ZNF623: variants seen among roughly 807,000 people sequenced by gnomAD.
ZNF623 encodes the protein zinc finger protein 623.
In ZNF623, 16 loss-of-function variants were observed where a neutral mutation model predicts 24.0. The observed-to-expected ratio is 0.67, with a 90% CI of 0.45 to 1.01. The LOEUF (loss-of-function observed/expected upper bound fraction) is 1.01, where lower values mean the gene tolerates loss of function less well. Ranked by LOEUF, ZNF623 falls within the 50% of genes least tolerant of loss-of-function variation. The pLI, the probability that ZNF623 is intolerant of heterozygous loss-of-function variation, is 0.00. For missense variants in ZNF623, 566 were observed against 606.5 expected (o/e 0.93, Z 0.70); for synonymous variants, 224 against 219.8 (o/e 1.02, Z -0.17).
At position 143,650,837 on chromosome 8, in the gene ZNF623, A is replaced by T; in HGVS notation, c.845A>T (p.Asn282Ile). Residue 282 changes from asparagine (N) to isoleucine (I), a missense_variant, in exon 2 of 2, where the codon AAT becomes ATT. Coordinates refer to ENST00000526926, the MANE Select transcript of ZNF623 (RefSeq NM_001261843.2). The surrounding 1 kb of genome is among the most constrained non-coding windows in gnomAD (Gnocchi z 5.2). ...ACCGGAGAGAGACCCTTTGAATGCA[A>T]TGAGTGTGGGAAAGCCTTTATTCGG... is the stretch of plus-strand genomic sequence containing the variant. ...IHTGERPFEC[N>I]ECGKAFIRSS... 6.2e-7 allele frequency: 1 copy of T among 1,614,236 alleles called. No homozygotes were observed. The highest frequency in any genetic ancestry group is 2.2e-5 in the East Asian group (1 of 44,890).
chr8:143,645,548 T>C (rs1815158943), intron 1 of ZNF623, among the ~76,000 whole-genome samples: 1 of 152,200 alleles, frequency 6.6e-6, no homozygotes, highest in Non-Finnish European at 1.5e-5. Context: ...AGAGAGTGGA[T>C]TCTGGCTTCC....
At chr8:143,637,951 T>A (rs77602759) in intron 1 of ZNF623, among the ~76,000 whole-genome samples, 1 of 152,236 alleles carries the variant, frequency 6.6e-6, no homozygotes, top group African/African-American at 2.4e-5. Context: ...TCCTTTTTTT[T>A]GCATTTCATG....
chr8:143,636,945 G>A (rs1814938628), intron 1 of ZNF623, among the ~76,000 whole-genome samples: 1 of 152,224 alleles, frequency 6.6e-6, no homozygotes, highest in Non-Finnish European at 1.5e-5. Context: ...CTCATAGGTA[G>A]TTGGTGTGAA....
chr8:143,638,274 G>C (rs1432475732), intron 1 of ZNF623, among the ~76,000 whole-genome samples: 1 of 149,668 alleles, frequency 6.7e-6, no homozygotes, highest in Non-Finnish European at 1.5e-5. Flanking sequence ...CTGGGAGGTG[G>C]AGGTTGCAGT....
At chr8:143,640,250 T>C (rs111960002) in intron 1 of ZNF623, among the ~76,000 whole-genome samples, 4,086 of 152,382 alleles carry the variant, frequency 0.027, 75 homozygotes, top group Admixed American at 0.04. Flanking sequence ...AAAGATACTT[T>C]ATTGCTAAAA....
At chr8:143,644,910 CCT>C (rs1273946609) in intron 1 of ZNF623, among the ~76,000 whole-genome samples, 6 of 151,588 alleles carry the variant, frequency 4.0e-5, no homozygotes, top group East Asian at 1.9e-4. Flanking sequence ...GGGCTGATCA[CCT>C]GAGTTTGGGA....
chr8:143,636,561 T>C (rs1227010346), intron 1 of ZNF623: 1 of 152,312 alleles, frequency 6.6e-6, no homozygotes, highest in African/African-American at 2.4e-5. Context: ...GTGGCAGGAC[T>C]GGGTGTGGGC....
rs1051237513 is a variant in ZNF623 at position 143,651,239 on chromosome 8, A to G, written c.1247A>G (p.Glu416Gly). The G allele has an allele frequency of 3.6e-5, 58 of 1,614,094 alleles. No individual in the cohort carries two copies. The Admixed American group carries it at 9.7e-4, about 27-fold the overall frequency. ...CTGCACCAGATTATTCACACTGGAGAAAAGCCCTATGTGTGCAGTTATTGT... is the reference window on the plus strand; with the variant it reads ...CTGCACCAGATTATTCACACTGGAGGAAAGCCCTATGTGTGCAGTTATTGT... ...LLLHQIIHTG[E>G]KPYVCSYCGK... The change falls in exon 2 of 2, where the codon GAA (glutamate) becomes GGA (glycine). Residue 416 changes from glutamate (E) to glycine (G), a missense_variant. This residue lies in a region of ZNF623 where 136 missense variants were observed against 131.9 expected (regional missense o/e 1.03). Transcript: ENST00000526926.
At position 143,650,044 on chromosome 8, in the gene ZNF623, G is replaced by C; in HGVS notation, c.52G>C (p.Glu18Gln). 1.2e-6 allele frequency: 2 copies of C among 1,614,160 alleles called. No individual in the cohort carries two copies. The highest frequency in any genetic ancestry group is 8.5e-7 in the Non-Finnish European group (1 of 1,180,000). The change falls in exon 2 of 2, where the codon GAG becomes CAG. Residue 18 changes from glutamate (E) to glutamine (Q), a missense_variant. Physicochemically the swap from Glu to Gln is conservative, Grantham distance 29. Around this residue, in one of 3 missense-constraint regions of ZNF623, gnomAD observed 313 missense variants for 300.4 expected, o/e 1.04. Transcript: ENST00000526926. This position sits in a 1 kb window ranked among gnomAD's most constrained non-coding sequence, Gnocchi z 5.2. ...SEEVHEPRLG[E>Q]LLGNPEGQSL... ...GGAAGTCCACGAGCCCAGATTAGGGGAGCTCTTGGGAAATCCAGAAGGTCA... is the reference window on the plus strand; with the variant it reads ...GGAAGTCCACGAGCCCAGATTAGGGCAGCTCTTGGGAAATCCAGAAGGTCA...
Position 143,642,134 on chromosome 8 carries a change from A to G in ZNF623, c.-96+5989A>G, listed in dbSNP as rs1404650287. Among the ~76,000 whole-genome samples, 3 of 152,218 alleles carry G rather than the reference A, an allele frequency of 2.0e-5. No homozygotes were observed. In the East Asian group the frequency reaches 5.8e-4, roughly 29 times the overall value. The stretch of plus-strand genomic sequence containing the variant: ...TTTAGAGTAGCCACCTTAGTCAACC[A>G]TCTTAGCTAGATCTGGAGAACTTGC... On this transcript the variant is annotated intron_variant, in intron 1 of 1. Coordinates refer to ENST00000526926, the MANE Select transcript of ZNF623 (RefSeq NM_001261843.2).
rs1384250397 is a variant in ZNF623, at chr8:143,650,656, C to T, written c.664C>T (p.Pro222Ser). 5.0e-6 allele frequency: 8 copies of T among 1,613,812 alleles called. No individual in the cohort carries two copies. In the African/African-American group the frequency reaches 6.7e-5, roughly 13 times the overall value. Residue 222 changes from proline to serine, a missense_variant, in exon 2 of 2, where the codon CCC becomes TCC. This residue lies in a region of ZNF623 where 313 missense variants were observed against 300.4 expected (regional missense o/e 1.04). Transcript: ENST00000526926. The surrounding 1 kb of genome is among the most constrained non-coding windows in gnomAD (Gnocchi z 5.2). ...TCAGAGGATTCACACGGGAGAAAGG[C>T]CCTATGAGTGCAATGAATGTGGGAA... ...RHQRIHTGER[P>S]YECNECGKSF...
chr8:143,641,396 C>G (rs1166184156), intron 1 of ZNF623, among the ~76,000 whole-genome samples: 2 of 151,652 alleles, frequency 1.3e-5, no homozygotes, highest in African/African-American at 4.9e-5. Flanking sequence ...CCCTGTTCAT[C>G]TCCATCAGAG....
In ZNF623 at chr8:143,636,895, A is replaced by G. The variant is rs532261441; in HGVS notation, c.-96+750A>G. 2.0e-4 allele frequency among the ~76,000 whole-genome samples: 31 copies of G among 151,818 alleles called. No homozygotes were observed. In the East Asian group the frequency reaches 5.8e-3, roughly 28 times the overall value. ...ACACAGGCTACGTCATGGTCCAGGG[A>G]CTCTCAGGGTCTGGGCAGCGCCTGG... is the stretch of plus-strand genomic sequence containing the variant. On this transcript the variant is annotated intron_variant, in intron 1 of 1. Transcript: ENST00000526926.
chr8:143,651,377 T>TA lies in ZNF623; in HGVS notation c.1385_1386insA (p.Lys463Ter). The TA allele has an allele frequency of 6.2e-7, 1 of 1,614,112 alleles. No homozygotes were observed. Among genetic ancestry groups the TA allele is most frequent in the East Asian group, 2.2e-5 (1 of 44,888 alleles). On this transcript the variant is annotated frameshift_variant, in exon 2 of 2. Coordinates refer to ENST00000526926, the MANE Select transcript of ZNF623 (RefSeq NM_001261843.2). LOFTEE classifies it high-confidence loss of function. Reference sequence around the variant, plus strand: ...AGAGATTTTAACTCAACTACAAACGTTAAAAATAATCAAAGGGTTCACCAA... The same window carrying TA: ...AGAGATTTTAACTCAACTACAAACGTATAAAAATAATCAAAGGGTTCACCAA...
At chr8:143,638,897 ACTT>A (rs1337004719) in intron 1 of ZNF623, among the ~76,000 whole-genome samples, 1 of 148,186 alleles carries the variant, frequency 6.7e-6, no homozygotes, top group Non-Finnish European at 1.5e-5. Flanking sequence ...CCGTTCTCCC[ACTT>A]CTTTTTTTTG....
At position 143,650,355 on chromosome 8, in the gene ZNF623, C is replaced by T; in HGVS notation, c.363C>T (p.Gly121=). ...YTCDQCGKGF[G]QSSHLMEHQR... is the part of the protein sequence containing the mutation. Reference sequence around the variant, plus strand: ...GCGATCAGTGTGGGAAAGGCTTTGGCCAGAGCTCACACCTTATGGAGCATC... The same window carrying T: ...GCGATCAGTGTGGGAAAGGCTTTGGTCAGAGCTCACACCTTATGGAGCATC... The change falls in exon 2 of 2, where the codon GGC becomes GGT. Residue 121 remains glycine (G), a synonymous_variant. Coordinates refer to ENST00000526926, the MANE Select transcript of ZNF623 (RefSeq NM_001261843.2). The surrounding 1 kb of genome is among the most constrained non-coding windows in gnomAD (Gnocchi z 5.2). 1 of 1,613,982 alleles carries T rather than the reference C, an allele frequency of 6.2e-7. No individual in the cohort carries two copies. Among genetic ancestry groups the T allele is most frequent in the South Asian group, 1.1e-5 (1 of 91,068 alleles).
chr8:143,649,225 C>T (rs1815238696), intron 1 of ZNF623, among the ~76,000 whole-genome samples: 1 of 151,492 alleles, frequency 6.6e-6, no homozygotes, highest in East Asian at 1.9e-4. Flanking sequence ...TTGCAGTGAG[C>T]CGAGATTGCA....
intron 1 of ZNF623, among the ~76,000 whole-genome samples, chr8:143,645,183 C>T (rs1457102837): frequency 1.3e-5 from 2 of 151,202 alleles, no homozygotes; most frequent in South Asian, 4.2e-4. Flanking sequence ...GTGGCTCATG[C>T]CTGTAATCCC....
chr8:143,649,808 C>T, intron 1 of ZNF623, 90 bp from the exon 2 acceptor site: 4 of 1,504,128 alleles, frequency 2.7e-6, no homozygotes, highest in Non-Finnish European at 3.6e-6. Context: ...CACTTTCCAC[C>T]TCTTGGATAT....
Sources: gnomAD v4.1 joint callset for allele counts (sites outside exome capture counted in the v4.1 genomes callset) on GRCh38, gnomAD v4.1.1 for gene constraint, gnomAD v4.1.1 regional missense constraint, Gnocchi (gnomAD v3.1) non-coding constraint, MANE v1.5 for transcripts, NCBI Gene and HGNC (gene_info 2026-07-23, HGNC 2026-07-21) for gene names.